TMEM126A: variants seen among roughly 807,000 people sequenced by gnomAD.
TMEM126A encodes optic atrophy 7.
TMEM126A carries 10 observed loss-of-function variants against 18.3 expected under a neutral mutation model. The observed-to-expected ratio is 0.55, with a 90% CI of 0.34 to 0.93. The LOEUF is 0.93. Among genes scored for constraint, TMEM126A ranks in the 40% least tolerant of loss-of-function variants. The probability of loss-of-function intolerance (pLI) is 0.02; values close to 1 mark genes in which losing one functional copy is unlikely to be tolerated. For synonymous variants in TMEM126A, 68 were observed against 78.1 expected (o/e 0.87, Z 0.68); for missense variants, 246 against 230.2 (o/e 1.07, Z -0.44).
In TMEM126A at chr11:85,656,332, A is replaced by C. The variant is rs1255486110; in HGVS notation, c.419A>C (p.His140Pro). The C allele has an allele frequency of 2.5e-6, 4 of 1,611,864 alleles. No individual in the cohort carries two copies. Among genetic ancestry groups the C allele is most frequent in the Non-Finnish European group, 3.4e-6 (4 of 1,179,492 alleles). Residue 140 changes from histidine (H) to proline (P), a missense_variant, in exon 5 of 5, where the codon CAC becomes CCC. By Grantham distance (77) the His-to-Pro change is moderately conservative (BLOSUM62 -2). Transcript: ENST00000304511. ...AARYQSALLPHKGNILSYWIR... is the reference protein window; with the variant it reads ...AARYQSALLPPKGNILSYWIR... ...AGGTATCAATCAGCTCTGTTACCAC[A>C]CAAAGGGAACATCTTAAGTTACTGG...
At chr11:85,655,756 A>C in intron 4 of TMEM126A, 48 bp downstream of exon 4, 1 of 1,329,648 alleles carries the variant, frequency 7.5e-7, no homozygotes, top group Non-Finnish European at 1.1e-6. Flanking sequence ...TATAAAACTC[A>C]CAACTTAAAG....
rs764210673 is a variant in TMEM126A at position 85,656,310 on chromosome 11, T to TATCA, written c.402_405dup (p.Ala136IlefsTer16). 1 of 1,610,780 alleles carries TATCA rather than the reference T, an allele frequency of 6.2e-7. No homozygotes were observed. Among genetic ancestry groups the TATCA allele is most frequent in the African/African-American group, 1.3e-5 (1 of 74,956 alleles). ...AACTATCTCAATGTTTTCTTACAGG[T>TATCA]ATCAATCAGCTCTGTTACCACACAA... On this transcript the variant is annotated frameshift_variant and splice_region_variant, in exon 5 of 5. Coordinates refer to ENST00000304511, the MANE Select transcript of TMEM126A (RefSeq NM_032273.4). LOFTEE classifies it high-confidence loss of function.
At chr11:85,650,589 G>T (rs1210655228) in intron 2 of TMEM126A, among the ~76,000 whole-genome samples, 1 of 152,168 alleles carries the variant, frequency 6.6e-6, no homozygotes, top group Non-Finnish European at 1.5e-5. Flanking sequence ...TTTCCATTAG[G>T]CTTGGAGTAT....
At chr11:85,652,482 G>C (rs1229993813) in intron 2 of TMEM126A, among the ~76,000 whole-genome samples, 1 of 152,054 alleles carries the variant, frequency 6.6e-6, no homozygotes, top group African/African-American at 2.4e-5. Context: ...TTCATTTTCT[G>C]ATCTACAGCA....
At chr11:85,656,183 A>C (rs1289500597) in intron 4 of TMEM126A, 126 bp from the exon 5 acceptor site, 2 of 852,140 alleles carry the variant, frequency 2.3e-6, no homozygotes, top group Non-Finnish European at 3.7e-6. Context: ...ATTAATAGAC[A>C]CTGAAGACCT....
chr11:85,652,363 AT>A (rs1394008279), intron 2 of TMEM126A, among the ~76,000 whole-genome samples: 2 of 152,100 alleles, frequency 1.3e-5, no homozygotes, highest in African/African-American at 4.8e-5. Flanking sequence ...CTTCATTCCC[AT>A]TTTATTTTCT....
At chr11:85,654,961 A>G (rs924823126) in intron 3 of TMEM126A, among the ~76,000 whole-genome samples, 4 of 151,902 alleles carry the variant, frequency 2.6e-5, no homozygotes, top group African/African-American at 7.2e-5. Context: ...TTTTATGGGA[A>G]TAACTCTTTA....
At chr11:85,649,311 A>G (rs1312078991) in intron 1 of TMEM126A, among the ~76,000 whole-genome samples, 1 of 152,146 alleles carries the variant, frequency 6.6e-6, no homozygotes. Context: ...TTTTCACCCT[A>G]ACTAGTGCAG....
intron 1 of TMEM126A, among the ~76,000 whole-genome samples, chr11:85,649,251 G>A: frequency 6.6e-6 from 1 of 152,026 alleles, no homozygotes; most frequent in Non-Finnish European, 1.5e-5. Context: ...TTTCTTAACT[G>A]TTACCCTGAA....
chr11:85,649,899 T>C (rs1398599427), intron 1 of TMEM126A, among the ~76,000 whole-genome samples: 7 of 152,230 alleles, frequency 4.6e-5, no homozygotes, highest in African/African-American at 9.6e-5. Flanking sequence ...AACTACTCTT[T>C]TGTCAGTTCT....
At chr11:85,650,170 G>A (rs992057892) in intron 1 of TMEM126A, 79 bp from the exon 2 acceptor site, 20 of 864,338 alleles carry the variant, frequency 2.3e-5, no homozygotes, top group Non-Finnish European at 3.3e-5. Flanking sequence ...TAGCTCTACA[G>A]TATTATTTTT....
intron 2 of TMEM126A, among the ~76,000 whole-genome samples, chr11:85,653,426 G>A (rs1305020353): frequency 6.6e-6 from 1 of 152,184 alleles, no homozygotes; most frequent in Non-Finnish European, 1.5e-5. Flanking sequence ...CTAAGTCGTA[G>A]TCTGAAAAGT....
At chr11:85,648,144 A>G (rs2082474780) in intron 1 of TMEM126A, 55 bp downstream of exon 1, 1 of 152,404 alleles carries the variant, frequency 6.6e-6, no homozygotes, top group Admixed American at 6.5e-5. Flanking sequence ...CAGGAGAAGC[A>G]CGACGCGGTG....
chr11:85,650,271 T>C lies in TMEM126A; in HGVS notation c.16T>C (p.Ser6Pro), dbSNP rs1279650258. Residue 6 changes from serine (S) to proline (P), a missense_variant, in exon 2 of 5, where the codon TCC (serine) becomes CCC (proline). Coordinates refer to ENST00000304511, the MANE Select transcript of TMEM126A (RefSeq NM_032273.4). ...AAGGCTCAAAATGGAAAATCATAAATCCAATAATAAGGAAAACATAACAAT... is the reference window on the plus strand; with the variant it reads ...AAGGCTCAAAATGGAAAATCATAAACCCAATAATAAGGAAAACATAACAAT... The part of the protein sequence containing the change: MENHK[S>P]NNKENITIVD... The C allele has an allele frequency of 6.3e-7, 1 of 1,596,982 alleles. No individual in the cohort carries two copies.
chr11:85,655,541 C>G, intron 3 of TMEM126A, 53 bp from the exon 4 acceptor site: 1 of 1,281,488 alleles, frequency 7.8e-7, no homozygotes, highest in Non-Finnish European at 1.1e-6. Flanking sequence ...TTCTTTAAAT[C>G]ATGTTTGCTT....
At chr11:85,652,063 C>G (rs2082504967) in intron 2 of TMEM126A, among the ~76,000 whole-genome samples, 1 of 152,160 alleles carries the variant, frequency 6.6e-6, no homozygotes, top group South Asian at 2.1e-4. Context: ...ACTGGAGAAG[C>G]TGAGGCACGA....
At chr11:85,654,818 C>G (rs2082525926) in intron 3 of TMEM126A, among the ~76,000 whole-genome samples, 1 of 150,890 alleles carries the variant, frequency 6.6e-6, no homozygotes, top group Admixed American at 6.6e-5. Context: ...ATTTGGAAAT[C>G]CATATATACA....
rs1367402527 is a variant in TMEM126A at position 85,648,106 on chromosome 11, G to A, written c.-8+17G>A. ...GAGCATAAGGTACTGGTATTCCGGG[G>A]GAGGGGGTGAAGTAAATGTCCCGGT... On this transcript the variant is annotated intron_variant, in intron 1 of 4. Transcript: ENST00000304511. 1 of 152,382 alleles carries A rather than the reference G, an allele frequency of 6.6e-6. No homozygotes were observed. The highest frequency in any genetic ancestry group is 1.9e-4 in the East Asian group (1 of 5,204). The allele number at this position is 152,382 out of a possible 1,614,324, so 9.4% of individuals were successfully genotyped here. A position where few individuals can be genotyped will look rare whatever the true frequency, so the allele number is the denominator to read the frequency against.
intron 1 of TMEM126A, among the ~76,000 whole-genome samples, chr11:85,649,586 G>T (rs1330287330): frequency 6.6e-6 from 1 of 152,142 alleles, no homozygotes; most frequent in Non-Finnish European, 1.5e-5. Flanking sequence ...CTTTCCCAAA[G>T]TGACTGTACA....
Sources: gnomAD v4.1 joint callset for allele counts (sites outside exome capture counted in the v4.1 genomes callset) on GRCh38, gnomAD v4.1.1 for gene constraint, MANE v1.5 for transcripts, NCBI Gene and HGNC (gene_info 2026-07-23, HGNC 2026-07-21) for gene names.